Variants in PCED1B observed in about 807,000 individuals in gnomAD.
The protein encoded by PCED1B is PC-esterase domain containing 1B.
For synonymous variants in PCED1B, 251 were observed against 246.1 expected (o/e 1.02, Z -0.19); for missense variants, 573 against 573.9 (o/e 1.00, Z 0.02).
intron 3 of PCED1B, among the ~76,000 whole-genome samples, chr12:47,228,335 T>C (rs937084464): frequency 5.3e-5 from 8 of 152,124 alleles, no homozygotes; most frequent in African/African-American, 1.9e-4. Context: ...GCCTGGGTTC[T>C]TCTGAATTCA....
chr12:47,111,947 C>T (rs1209028550), intron 2 of PCED1B, among the ~76,000 whole-genome samples: 3 of 152,184 alleles, frequency 2.0e-5, no homozygotes, highest in African/African-American at 7.2e-5. Context: ...CGCTCAAAGG[C>T]ACCGGCACTG....
chr12:47,087,176 G>A (rs1592125108), intron 1 of PCED1B, among the ~76,000 whole-genome samples: 1 of 152,154 alleles, frequency 6.6e-6, no homozygotes, highest in Admixed American at 6.6e-5. Context: ...ATTAATATAG[G>A]AGAAGATAGA....
chr12:47,178,845 C>T (rs550675058), intron 2 of PCED1B, among the ~76,000 whole-genome samples: 19 of 133,030 alleles, frequency 1.4e-4, no homozygotes, highest in Admixed American at 8.6e-4. Flanking sequence ...CCAGCCTGGG[C>T]GACAGAGTGA....
intron 1 of PCED1B, 164 bp downstream of exon 1, chr12:47,079,889 G>C (rs1941939156): frequency 6.6e-6 from 1 of 150,834 alleles, no homozygotes. Context: ...GCCCGGGGCC[G>C]GGAGACGGGC....
chr12:47,153,738 T>C (rs1941090384), intron 2 of PCED1B, among the ~76,000 whole-genome samples: 1 of 152,224 alleles, frequency 6.6e-6, no homozygotes, highest in Non-Finnish European at 1.5e-5. Context: ...TTCTATTCTT[T>C]CCTCTGAATT....
intron 2 of PCED1B, among the ~76,000 whole-genome samples, chr12:47,195,362 A>G (rs1942574253): frequency 6.6e-6 from 1 of 151,994 alleles, no homozygotes; most frequent in Non-Finnish European, 1.5e-5. Flanking sequence ...AATATTTCTG[A>G]AGGTGACAGC....
intron 2 of PCED1B, chr12:47,210,213 TTTTAAAACTATGCCA>T (rs1361514040): frequency 6.6e-6 from 1 of 152,238 alleles, no homozygotes; most frequent in Non-Finnish European, 1.5e-5. Context: ...TTGTCATGTA[TTTTAAAACTATGCCA>T]TAATTTAACC....
At chr12:47,211,851 G>A (rs1315069438) in intron 2 of PCED1B, among the ~76,000 whole-genome samples, 11 of 151,066 alleles carry the variant, frequency 7.3e-5, no homozygotes, top group African/African-American at 1.7e-4. Flanking sequence ...CGAGGCGGGC[G>A]GATCACGAGG....
At chr12:47,084,386 A>C (rs1244702467) in intron 1 of PCED1B, among the ~76,000 whole-genome samples, 4 of 152,218 alleles carry the variant, frequency 2.6e-5, no homozygotes, top group Non-Finnish European at 5.9e-5. Context: ...TCCTAAGGCA[A>C]ACTGAACCAT....
intron 2 of PCED1B, among the ~76,000 whole-genome samples, chr12:47,161,184 A>G (rs1941365443): frequency 6.6e-6 from 1 of 152,234 alleles, no homozygotes; most frequent in Non-Finnish European, 1.5e-5. Context: ...TGTTATAGCA[A>G]CACAAAGCAG....
chr12:47,134,623 A>G (rs1940272924), intron 2 of PCED1B, among the ~76,000 whole-genome samples: 2 of 152,202 alleles, frequency 1.3e-5, no homozygotes, highest in Non-Finnish European at 2.9e-5. Flanking sequence ...TAATCCCAGC[A>G]CTTTGGGAGG....
chr12:47,144,416 C>T (rs1175236162), intron 2 of PCED1B, among the ~76,000 whole-genome samples: 1 of 152,228 alleles, frequency 6.6e-6, no homozygotes, highest in Non-Finnish European at 1.5e-5. Flanking sequence ...TCTGTCCATA[C>T]TAATCTCCTT....
At chr12:47,221,763 A>G (rs1943485218) in intron 3 of PCED1B, among the ~76,000 whole-genome samples, 1 of 152,152 alleles carries the variant, frequency 6.6e-6, no homozygotes, top group African/African-American at 2.4e-5. Context: ...CAATTATTTG[A>G]GAAATTCAGC....
At chr12:47,145,011 CTT>C (rs1940732726) in intron 2 of PCED1B, among the ~76,000 whole-genome samples, 1 of 152,234 alleles carries the variant, frequency 6.6e-6, no homozygotes, top group Admixed American at 6.5e-5. Context: ...TGCAAGGCCT[CTT>C]GTGCCAAATA....
chr12:47,185,698 A>C (rs925335969), intron 2 of PCED1B, among the ~76,000 whole-genome samples: 36 of 151,956 alleles, frequency 2.4e-4, no homozygotes, highest in Admixed American at 6.6e-5. Context: ...CTGAGGCAGC[A>C]GAACTGCTTG....
In PCED1B at chr12:47,193,472, A is replaced by G. The variant is rs570246294; in HGVS notation, c.-525-22750A>G. Among the ~76,000 whole-genome samples, 7 of 152,060 alleles carry G rather than the reference A, an allele frequency of 4.6e-5. No individual in the cohort carries two copies. The East Asian group carries it at 1.4e-3, about 29-fold the overall frequency. On this transcript the variant is annotated intron_variant, in intron 2 of 3. Coordinates refer to ENST00000546455, the MANE Select transcript of PCED1B (RefSeq NM_138371.3). ...ATCACCTTCTCCCCAACCCTCAATC[A>G]CCATGGTAATTCAGATTACTGCCTT...
At chr12:47,197,522 C>T (rs1329720042) in intron 2 of PCED1B, among the ~76,000 whole-genome samples, 4 of 151,562 alleles carry the variant, frequency 2.6e-5, no homozygotes, top group African/African-American at 9.7e-5. Context: ...GCAGGAGAAT[C>T]GCTTAAACCC....
intron 3 of PCED1B, among the ~76,000 whole-genome samples, chr12:47,225,511 T>C (rs1213906065): frequency 6.6e-6 from 1 of 152,224 alleles, no homozygotes; most frequent in East Asian, 1.9e-4. Context: ...GCATGTAATA[T>C]AATTTTTGGC....
At chr12:47,153,691 T>C (rs1423189836) in intron 2 of PCED1B, among the ~76,000 whole-genome samples, 2 of 152,236 alleles carry the variant, frequency 1.3e-5, no homozygotes, top group Non-Finnish European at 2.9e-5. Flanking sequence ...TAGGGAAAGA[T>C]TTTTCCAATT....
Sources: gnomAD v4.1 joint callset for allele counts (sites outside exome capture counted in the v4.1 genomes callset) on GRCh38, gnomAD v4.1.1 for gene constraint, MANE v1.5 for transcripts, NCBI Gene and HGNC (gene_info 2026-07-23, HGNC 2026-07-21) for gene names.